DLEU7: variants seen among roughly 807,000 people sequenced by gnomAD.
The protein encoded by DLEU7 is leukemia-associated protein 7.
A neutral mutation model predicts 16.0 loss-of-function variants in DLEU7; 17 were observed. The ratio of observed to expected loss-of-function variants is 1.06; its 90% CI spans 0.73 to 1.59. DLEU7 has a LOEUF of 1.59. DLEU7 is among the 40% of genes most tolerant of loss of function. The pLI is 0.00. For synonymous variants in DLEU7, 113 were observed against 139.8 expected (o/e 0.81, Z 1.35); for missense variants, 308 against 314.9 (o/e 0.98, Z 0.17).
chr13:50,840,227 G>GT (rs560298304), intron 1 of DLEU7: 2 of 152,152 alleles, frequency 1.3e-5, no homozygotes, highest in South Asian at 4.1e-4. Context: ...TATAAAATCT[G>GT]TATGTTCCCA....
intron 1 of DLEU7, among the ~76,000 whole-genome samples, chr13:50,737,086 T>G (rs2497092): frequency 0.05 from 7,611 of 152,122 alleles, 216 homozygotes; most frequent in Non-Finnish European, 0.059. Context: ...TCATACAAAA[T>G]CTCTCAGAAA....
intron 1 of DLEU7, among the ~76,000 whole-genome samples, chr13:50,757,876 A>G (rs1874809424): frequency 6.6e-6 from 1 of 152,214 alleles, no homozygotes; most frequent in African/African-American, 2.4e-5. Flanking sequence ...GAAAGAGAGA[A>G]GCACTCTGAT....
At chr13:50,753,490 C>G (rs999519076) in intron 1 of DLEU7, among the ~76,000 whole-genome samples, 1 of 152,260 alleles carries the variant, frequency 6.6e-6, no homozygotes, top group Non-Finnish European at 1.5e-5. Flanking sequence ...AAATTGAGCA[C>G]AGCACTGGTG....
intron 1 of DLEU7, among the ~76,000 whole-genome samples, chr13:50,817,144 G>A (rs772717518): frequency 2.6e-5 from 4 of 152,018 alleles, no homozygotes; most frequent in African/African-American, 7.2e-5. Context: ...AAATAAAGCC[G>A]TGATTATTAT....
Position 50,747,401 on chromosome 13 carries a change from C to T in DLEU7, c.460-34161G>A, listed in dbSNP as rs376134233. ...GAGAGGGAGAAAGTGGGTGTGTGCG[C>T]GCATTTGTGTGTGTGTGTTTGGGGG... On this transcript the variant is annotated intron_variant, in intron 1 of 1. Coordinates refer to the DLEU7 transcript ENST00000400393. Among the ~76,000 whole-genome samples, 19 of 147,856 alleles carry T rather than the reference C, an allele frequency of 1.3e-4. 1 individual carries two copies. In the South Asian group the frequency reaches 3.0e-3, roughly 23 times the overall value.
intron 1 of DLEU7, among the ~76,000 whole-genome samples, chr13:50,790,184 C>T (rs1163234712): frequency 2.0e-5 from 3 of 152,050 alleles, no homozygotes; most frequent in Admixed American, 6.5e-5. Context: ...CCACCCTCCT[C>T]GGCCTCCCAA....
chr13:50,819,385 A>G (rs576363389), downstream of DLEU7, among the ~76,000 whole-genome samples: 1 of 152,274 alleles, frequency 6.6e-6, no homozygotes, highest in Admixed American at 6.5e-5. Context: ...TATTCTGAGT[A>G]AAAAGGGAAG....
rs1330683186 is a variant in DLEU7, at chr13:50,833,374, A to T, written c.459+9814T>A. Among the ~76,000 whole-genome samples, 7 of 152,366 alleles carry T rather than the reference A, an allele frequency of 4.6e-5. No homozygotes were observed. The East Asian group carries it at 1.3e-3, about 29-fold the overall frequency. ...GTCTCAGGATACAAAATCAATGTGC[A>T]AAAATCACAAGCATTCTTATACACC... On this transcript the variant is annotated intron_variant, in intron 1 of 1. Coordinates refer to ENST00000504404, the MANE Select transcript of DLEU7 (RefSeq NM_001306135.2).
At chr13:50,786,352 GTTGTT>G (rs766227169) in intron 1 of DLEU7, among the ~76,000 whole-genome samples, 27 of 152,106 alleles carry the variant, frequency 1.8e-4, no homozygotes, top group Non-Finnish European at 2.6e-4. Context: ...CTGGTTTTTG[GTTGTT>G]TTGTTTTGTT....
At chr13:50,796,314 AG>A (rs1422634657) in intron 1 of DLEU7, among the ~76,000 whole-genome samples, 3 of 152,180 alleles carry the variant, frequency 2.0e-5, no homozygotes, top group Non-Finnish European at 4.4e-5. Flanking sequence ...AAGTAAAATA[AG>A]GGTTATTTGA....
At chr13:50,821,416 T>C (rs1456691997), downstream of DLEU7, among the ~76,000 whole-genome samples, 1 of 152,142 alleles carries the variant, frequency 6.6e-6, no homozygotes, top group Non-Finnish European at 1.5e-5. Context: ...CTATGCAACA[T>C]ACAAAGATGT....
At chr13:50,771,828 G>A (rs1385222609) in intron 1 of DLEU7, among the ~76,000 whole-genome samples, 1 of 152,058 alleles carries the variant, frequency 6.6e-6, no homozygotes, top group Admixed American at 6.6e-5. Flanking sequence ...TTGTTAACTT[G>A]CTGTCTCATT....
intron 1 of DLEU7, chr13:50,812,884 A>AAAAT (rs1333246089): frequency 6.6e-6 from 1 of 151,958 alleles, no homozygotes; most frequent in African/African-American, 2.4e-5. Flanking sequence ...ATGACAGAAA[A>AAAAT]AAACCTCTAA....
At chr13:50,756,712 C>T (rs1397657449) in intron 1 of DLEU7, among the ~76,000 whole-genome samples, 2 of 152,154 alleles carry the variant, frequency 1.3e-5, no homozygotes, top group Admixed American at 6.5e-5. Context: ...GATTTGCACC[C>T]TCCCCTGATT....
intron 1 of DLEU7, among the ~76,000 whole-genome samples, chr13:50,746,874 G>C (rs1186932724): frequency 1.3e-5 from 2 of 152,014 alleles, no homozygotes; most frequent in Non-Finnish European, 2.9e-5. Flanking sequence ...GAGTTATCTG[G>C]CTTCTTCTAA....
chr13:50,839,885 A>G (rs1386634399), intron 1 of DLEU7: 1 of 152,200 alleles, frequency 6.6e-6, no homozygotes, highest in Non-Finnish European at 1.5e-5. Context: ...TAGGTTAGAT[A>G]CCATTGTCCT....
intron 1 of DLEU7, among the ~76,000 whole-genome samples, chr13:50,832,483 A>T (rs9568477): frequency 0.19 from 28,228 of 151,938 alleles, 2,859 homozygotes; most frequent in East Asian, 0.3. Flanking sequence ...TATCTCCTTC[A>T]GTTCTGCTCT....
At chr13:50,738,954 A>T (rs1018529097) in intron 1 of DLEU7, among the ~76,000 whole-genome samples, 2 of 145,062 alleles carry the variant, frequency 1.4e-5, no homozygotes, top group African/African-American at 5.1e-5. Context: ...GCAGCCTCTA[A>T]AAAATAATAC....
intron 1 of DLEU7, among the ~76,000 whole-genome samples, chr13:50,745,771 T>G (rs1874376035): frequency 6.6e-6 from 1 of 152,124 alleles, no homozygotes; most frequent in Non-Finnish European, 1.5e-5. Flanking sequence ...TATTTATGCC[T>G]CTGGTGGGTA....
Sources: allele counts gnomAD v4.1 joint callset (sites outside exome capture counted in the v4.1 genomes callset), GRCh38; gene constraint gnomAD v4.1.1; transcripts MANE v1.5; gene names NCBI Gene and HGNC (gene_info 2026-07-23, HGNC 2026-07-21).